Variants in DNAH8 observed in about 807,000 individuals in gnomAD.
The protein encoded by DNAH8 is dynein axonemal heavy chain 8.
In DNAH8, 382 loss-of-function variants were observed where a neutral mutation model predicts 562.1. The observed-to-expected ratio is 0.68, with a 90% CI of 0.63 to 0.74. DNAH8 has a LOEUF of 0.74. Among genes scored for constraint, DNAH8 ranks in the 30% least tolerant of loss-of-function variants. The pLI is 0.00. For synonymous variants in DNAH8, 1,881 were observed against 1,919.4 expected (o/e 0.98, Z 0.52); for missense variants, 5,203 against 5,620.4 (o/e 0.93, Z 2.37).
chr6:38,796,574 C>T (rs1770266940), intron 21 of DNAH8, among the ~76,000 whole-genome samples: 1 of 152,126 alleles, frequency 6.6e-6, no homozygotes, highest in Non-Finnish European at 1.5e-5. Context: ...AAGATCGACC[C>T]CTGACCTAAC....
At chr6:38,730,072 C>A in intron 4 of DNAH8, 86 bp downstream of exon 4, 2 of 633,078 alleles carry the variant, frequency 3.2e-6, no homozygotes, top group South Asian at 2.0e-5. Context: ...CATAGATAAT[C>A]CTTTATTTAT....
chr6:38,827,942 T>A (rs752720115), intron 29 of DNAH8, among the ~76,000 whole-genome samples: 1 of 151,988 alleles, frequency 6.6e-6, no homozygotes, highest in Non-Finnish European at 1.5e-5. Context: ...AAGAGACATA[T>A]ACATCTCCAT....
At chr6:39,028,912 A>G (rs1767482144) in intron 92 of DNAH8, among the ~76,000 whole-genome samples, 1 of 151,594 alleles carries the variant, frequency 6.6e-6, no homozygotes, top group Non-Finnish European at 1.5e-5. Context: ...CCACAGGGGG[A>G]TTCCAGAAAC....
chr6:38,928,194 G>T (rs977642100), intron 74 of DNAH8: 1 of 152,164 alleles, frequency 6.6e-6, no homozygotes, highest in Non-Finnish European at 1.5e-5. Context: ...GGCTCTGGGG[G>T]TGGCTACCAA....
At position 38,775,883 on chromosome 6, in the gene DNAH8, C is replaced by T. The variant is rs781094780; in HGVS notation, c.1894C>T (p.Leu632=). 6.2e-7 allele frequency: 1 copy of T among 1,612,936 alleles called. No individual in the cohort carries two copies. Residue 632 remains leucine (L), a synonymous_variant, in exon 13 of 93, where the codon CTG becomes TTG. Coordinates refer to ENST00000327475, the MANE Select transcript of DNAH8 (RefSeq NM_001206927.2). ...GGTTAAGAAAAAGCAATATGACATT[C>T]TGGATCCAAGAAGGACAGAATTTGA... ...QGVKKKQYDI[L]DPRRTEFDTD...
chr6:38,826,332 GC>G lies in DNAH8; in HGVS notation c.4026del (p.Leu1343CysfsTer13). 6.2e-7 allele frequency: 1 copy of G among 1,613,486 alleles called. No individual in the cohort carries two copies. The highest frequency in any genetic ancestry group is 1.1e-5 in the South Asian group (1 of 90,914). On this transcript the variant is annotated frameshift_variant, in exon 29 of 93. Transcript: ENST00000327475. LOFTEE classifies it high-confidence loss of function. ...DLDDVRFAME[A>X]LSCIRDNEIQ... Reference sequence around the variant, plus strand: ...AGATGATGTCAGATTTGCAATGGAAGCCTTGTCTTGCATACGTGATAATGAA... The same window carrying G: ...AGATGATGTCAGATTTGCAATGGAAGCTTGTCTTGCATACGTGATAATGAA...
chr6:38,841,419 A>AAAAAT (rs565155379), intron 33 of DNAH8, among the ~76,000 whole-genome samples: 104 of 152,324 alleles, frequency 6.8e-4, no homozygotes, highest in African/African-American at 1.9e-3. Context: ...ATTCTCTCTC[A>AAAAAT]AAAATAAAAT....
intron 12 of DNAH8, among the ~76,000 whole-genome samples, chr6:38,772,601 C>T (rs1767679212): frequency 6.6e-6 from 1 of 152,100 alleles, no homozygotes; most frequent in Admixed American, 6.5e-5. Context: ...CTGGGTATAA[C>T]TTCCTTATCA....
At chr6:38,956,691 AAAC>A (rs1427515068) in intron 82 of DNAH8, among the ~76,000 whole-genome samples, 3 of 152,110 alleles carry the variant, frequency 2.0e-5, no homozygotes, top group East Asian at 3.8e-4. Flanking sequence ...AAACAAAACA[AAAC>A]AACAACAACA....
At chr6:38,928,212 T>C (rs569052005) in intron 74 of DNAH8, 29 of 152,298 alleles carry the variant, frequency 1.9e-4, no homozygotes, top group African/African-American at 6.7e-4. Context: ...CAAATAGTGT[T>C]TCACAAGAAA....
At chr6:38,747,971 C>A (rs1273358411) in intron 8 of DNAH8, among the ~76,000 whole-genome samples, 1 of 152,180 alleles carries the variant, frequency 6.6e-6, no homozygotes, top group South Asian at 2.1e-4. Context: ...CATTTGCTAC[C>A]TTTGTTTTTA....
intron 82 of DNAH8, among the ~76,000 whole-genome samples, chr6:38,960,315 A>G (rs1762525495): frequency 6.6e-6 from 1 of 152,070 alleles, no homozygotes; most frequent in Non-Finnish European, 1.5e-5. Context: ...AACAATCAAC[A>G]TAGTAAAGAC....
rs750952215 is a variant in DNAH8 at position 38,842,825 on chromosome 6, A to G, written c.4767A>G (p.Pro1589=). The change falls in exon 35 of 93, where the codon CCA becomes CCG. Residue 1589 remains proline (P), a synonymous_variant. Transcript: ENST00000327475. ...WDRISELTGT[P]FDVESDSFCL... is the part of the protein sequence containing the mutation. The stretch of plus-strand genomic sequence containing the variant: ...GAATCTCCGAGTTAACTGGAACCCC[A>G]TTTGATGTGGAATCTGATTCTTTTT... 5 of 1,613,938 alleles carry G rather than the reference A, an allele frequency of 3.1e-6. No individual in the cohort carries two copies. Among genetic ancestry groups the G allele is most frequent in the Non-Finnish European group, 3.4e-6 (4 of 1,179,890 alleles).
intron 10 of DNAH8, among the ~76,000 whole-genome samples, chr6:38,756,767 G>T (rs964673901): frequency 6.7e-6 from 1 of 149,450 alleles, no homozygotes; most frequent in Non-Finnish European, 1.5e-5. Flanking sequence ...GAGAACATGC[G>T]GTGTTTGTTT....
chr6:38,829,285 TCTTTTCG>T (rs1773629722), intron 30 of DNAH8, among the ~76,000 whole-genome samples: 3 of 152,150 alleles, frequency 2.0e-5, no homozygotes, highest in Admixed American at 2.0e-4. Flanking sequence ...CTGTGGGTTA[TCTTTTCG>T]CTTTATTGAT....
intron 30 of DNAH8, among the ~76,000 whole-genome samples, chr6:38,829,371 T>G (rs937933574): frequency 5.3e-5 from 8 of 152,174 alleles, no homozygotes; most frequent in East Asian, 1.9e-4. Flanking sequence ...GTTGTTGTTG[T>G]TGGTGTTTTT....
rs1769200116 is a variant in DNAH8 at position 38,786,808 on chromosome 6, G to A, written c.2439G>A (p.Lys813=). 8 of 1,612,552 alleles carry A rather than the reference G, an allele frequency of 5.0e-6. No individual in the cohort carries two copies. The highest frequency in any genetic ancestry group is 6.8e-6 in the Non-Finnish European group (8 of 1,179,536). The change falls in exon 18 of 93, where the codon AAG becomes AAA. Residue 813 remains lysine, a synonymous_variant. Coordinates refer to ENST00000327475, the MANE Select transcript of DNAH8 (RefSeq NM_001206927.2). ...TLFVRHPETG[K]LLVNFDPKIL... ...TTGTGCGACATCCAGAAACAGGGAA[G>A]TTGCTGGTTAATTTCGATCCCAAAA... is the stretch of plus-strand genomic sequence containing the variant.
At position 38,715,435 on chromosome 6, in the gene DNAH8, G is replaced by A. The variant is rs1762196048; in HGVS notation, c.-35+20G>A. ...CGGCTGGTGAGTACTTGGTCGGAGC[G>A]CGCTGTGAGCGCCCGGCCCCTGTCC... On this transcript the variant is annotated intron_variant, in intron 1 of 92. Transcript: ENST00000327475. 6.6e-6 allele frequency: 1 copy of A among 152,484 alleles called. No individual in the cohort carries two copies. The highest frequency in any genetic ancestry group is 2.4e-5 in the African/African-American group (1 of 41,598). 9.4% of individuals were successfully genotyped at this position (152,484 alleles called of 1,614,324 possible).
rs1247723445 is a variant in DNAH8 at position 38,929,597 on chromosome 6, T to C, written c.11205T>C (p.His3735=). Reference sequence around the variant, plus strand: ...GACCCCTTCTCATTGAGGACATTCATGAAGAGCTGGATCCAGCCTTGGATA... The same window carrying C: ...GACCCCTTCTCATTGAGGACATTCACGAAGAGCTGGATCCAGCCTTGGATA... The part of the protein sequence containing the change: ...LGRPLLIEDI[H]EELDPALDNV... The change falls in exon 75 of 93, where the codon CAT becomes CAC. Residue 3735 remains histidine, a synonymous_variant. Transcript: ENST00000327475. 5.0e-6 allele frequency: 8 copies of C among 1,610,460 alleles called. No individual in the cohort carries two copies. The highest frequency in any genetic ancestry group is 6.8e-6 in the Non-Finnish European group (8 of 1,179,252).
Sources: gnomAD v4.1 joint callset for allele counts (sites outside exome capture counted in the v4.1 genomes callset) on GRCh38, gnomAD v4.1.1 for gene constraint, MANE v1.5 for transcripts, NCBI Gene and HGNC (gene_info 2026-07-23, HGNC 2026-07-21) for gene names.